FSIP2: variants seen among roughly 807,000 people sequenced by gnomAD.
FSIP2 encodes fibrous sheath interacting protein 2, also known as fibrous sheath-interacting protein 2.
In FSIP2, 367 loss-of-function variants were observed where a neutral mutation model predicts 510.5. The observed-to-expected ratio is 0.72, with a 90% CI of 0.66 to 0.78. The LOEUF is 0.78. FSIP2 is among the 30% of genes least tolerant of loss of function. The pLI is 0.00. For synonymous variants in FSIP2, 2,601 were observed against 2,732.2 expected (o/e 0.95, Z 1.50); for missense variants, 7,594 against 7,901.7 (o/e 0.96, Z 1.48).
intron 4 of FSIP2, chr2:185,744,804 C>G (rs1186270394): frequency 2.0e-5 from 3 of 152,630 alleles, no homozygotes; most frequent in African/African-American, 7.2e-5. Flanking sequence ...TACAGTGATT[C>G]AAGAATATGT....
chr2:185,814,745 TAATTAATTTTAG>T (rs1181738493), intron 18 of FSIP2, among the ~76,000 whole-genome samples: 1 of 152,048 alleles, frequency 6.6e-6, no homozygotes, highest in Non-Finnish European at 1.5e-5. Context: ...CCTGTAATTC[TAATTAATTTTAG>T]AATTAATTTT....
chr2:185,781,696 A>C (rs747321627), intron 13 of FSIP2, among the ~76,000 whole-genome samples: 1 of 152,206 alleles, frequency 6.6e-6, no homozygotes, highest in Non-Finnish European at 1.5e-5. Context: ...AAGTTTAGCT[A>C]TTTTTAACAG....
intron 14 of FSIP2, among the ~76,000 whole-genome samples, chr2:185,784,747 T>C (rs1692928292): frequency 6.6e-6 from 1 of 152,216 alleles, no homozygotes; most frequent in Non-Finnish European, 1.5e-5. Context: ...TGCTATTACC[T>C]AGATTCACTG....
intron 7 of FSIP2, 110 bp downstream of exon 7, chr2:185,747,533 T>G: frequency 1.7e-6 from 1 of 572,468 alleles, no homozygotes; most frequent in Non-Finnish European, 3.1e-6. Context: ...TTACTCCAAA[T>G]GATATGCATG....
intron 9 of FSIP2, among the ~76,000 whole-genome samples, chr2:185,760,336 TTTTA>T (rs1311736906): frequency 1.3e-5 from 2 of 150,342 alleles, no homozygotes; most frequent in Non-Finnish European, 3.0e-5. Context: ...TGGTTTGGCT[TTTTA>T]TTTAAGTTAA....
intron 2 of FSIP2, among the ~76,000 whole-genome samples, chr2:185,739,710 G>A (rs1443086847): frequency 6.6e-6 from 1 of 151,810 alleles, no homozygotes; most frequent in Non-Finnish European, 1.5e-5. Flanking sequence ...AACAATTCAC[G>A]GTACCATATT....
Position 185,790,827 on chromosome 2 carries a change from A to T in FSIP2, c.3691A>T (p.Lys1231Ter). The T allele has an allele frequency of 6.5e-7, 1 of 1,533,194 alleles. No individual in the cohort carries two copies. The highest frequency in any genetic ancestry group is 8.7e-7 in the Non-Finnish European group (1 of 1,145,078). 95.0% of individuals were successfully genotyped at this position (1,533,194 alleles called of 1,614,324 possible). Residue 1231 changes from lysine (K) to a stop codon, truncating the protein, a stop_gained, in exon 16 of 23, where the codon AAA becomes TAA. Coordinates refer to ENST00000424728, the MANE Select transcript of FSIP2 (RefSeq NM_173651.4). LOFTEE classifies it high-confidence loss of function. ...KTWFDSEKKM[K>*]YLSLFDVDPE... ...ATGGTTTGACAGTGAAAAGAAAATGAAATATTTATCTTTATTTGACGTTGA... is the reference window on the plus strand; with the variant it reads ...ATGGTTTGACAGTGAAAAGAAAATGTAATATTTATCTTTATTTGACGTTGA...
chr2:185,814,321 T>C (rs1693793478), intron 18 of FSIP2, among the ~76,000 whole-genome samples: 1 of 152,050 alleles, frequency 6.6e-6, no homozygotes, highest in African/African-American at 2.4e-5. Flanking sequence ...TTAAAAACAG[T>C]TGGTTTCCAC....
chr2:185,796,482 A>G lies in FSIP2; in HGVS notation c.9346A>G (p.Ile3116Val), dbSNP rs1693281700. 1.3e-6 allele frequency: 2 copies of G among 1,535,010 alleles called. No individual in the cohort carries two copies. The highest frequency in any genetic ancestry group is 1.2e-5 in the South Asian group (1 of 84,038). ...PSSISILKENIVASEIIGTLM... is the reference protein window; with the variant it reads ...PSSISILKENVVASEIIGTLM... ...TTCAATTAGCATATTGAAAGAGAACATTGTAGCAAGTGAGATCATTGGCAC... is the reference window on the plus strand; with the variant it reads ...TTCAATTAGCATATTGAAAGAGAACGTTGTAGCAAGTGAGATCATTGGCAC... The change falls in exon 16 of 23, where the codon ATT (isoleucine) becomes GTT (valine). Residue 3116 changes from isoleucine (I) to valine (V), a missense_variant. By Grantham distance (29) the Ile-to-Val change is conservative. Coordinates refer to ENST00000424728, the MANE Select transcript of FSIP2 (RefSeq NM_173651.4).
In FSIP2 at chr2:185,803,133, A is replaced by G. The variant is rs568020360; in HGVS notation, c.13827A>G (p.Arg4609=). The G allele has an allele frequency of 3.3e-4, 510 of 1,523,294 alleles. 1 individual carries two copies. Among genetic ancestry groups the G allele is most frequent in the Admixed American group, 6.8e-4 (33 of 48,434 alleles). 94.4% of individuals were successfully genotyped at this position (1,523,294 alleles called of 1,614,324 possible). ...CAGACACATATTTTGATGATGAGAG[A>G]AGGCAGTTATTTTATACCAGTGTTT... is the stretch of plus-strand genomic sequence containing the variant. ...SSSDTYFDDE[R]RQLFYTSVYS... is the part of the protein sequence containing the mutation. The change falls in exon 17 of 23, where the codon AGA becomes AGG. Residue 4609 remains arginine, a synonymous_variant. Transcript: ENST00000424728.
Position 185,792,761 on chromosome 2 carries a change from A to G in FSIP2, c.5625A>G (p.Ser1875=), listed in dbSNP as rs1693169086. The G allele has an allele frequency of 1.3e-6, 2 of 1,534,202 alleles. No individual in the cohort carries two copies. Among genetic ancestry groups the G allele is most frequent in the Non-Finnish European group, 8.7e-7 (1 of 1,145,688 alleles). Residue 1875 remains serine (S), a synonymous_variant, in exon 16 of 23, where the codon TCA becomes TCG. Coordinates refer to ENST00000424728, the MANE Select transcript of FSIP2 (RefSeq NM_173651.4). ...RENRYKTITF[S]ANVSSHEHTY... is the part of the protein sequence containing the mutation. The stretch of plus-strand genomic sequence containing the variant: ...ATAGGTATAAAACTATCACTTTTTC[A>G]GCAAATGTTTCTTCTCATGAACACA...
intron 13 of FSIP2, among the ~76,000 whole-genome samples, chr2:185,768,786 C>G (rs1692548588): frequency 6.6e-6 from 1 of 152,096 alleles, no homozygotes; most frequent in Admixed American, 6.6e-5. Context: ...CTCCCTGCTC[C>G]AACCCTCTAC....
intron 21 of FSIP2, among the ~76,000 whole-genome samples, chr2:185,830,141 A>G (rs1464796668): frequency 6.6e-6 from 1 of 151,906 alleles, no homozygotes; most frequent in Non-Finnish European, 1.5e-5. Flanking sequence ...ACAAACAAAC[A>G]AACGAAAAAA....
At position 185,801,021 on chromosome 2, in the gene FSIP2, G is replaced by A; in HGVS notation, c.11715G>A (p.Arg3905=). 5 of 1,531,640 alleles carry A rather than the reference G, an allele frequency of 3.3e-6. No individual in the cohort carries two copies. The highest frequency in any genetic ancestry group is 4.4e-6 in the Non-Finnish European group (5 of 1,143,896). The allele number at this position is 1,531,640 out of a possible 1,614,324, so 94.9% of individuals were successfully genotyped here. A position where few individuals can be genotyped will look rare whatever the true frequency, so the allele number is the denominator to read the frequency against. Residue 3905 remains arginine, a synonymous_variant, in exon 17 of 23, where the codon AGG becomes AGA. Transcript: ENST00000424728. ...LGQSKSSLEL[R]SYDSNSLTVS... ...AGAGTAAAAGTTCTTTAGAACTCAG[G>A]AGCTATGATAGTAATTCTTTGACAG... is the stretch of plus-strand genomic sequence containing the variant.
In FSIP2 at chr2:185,808,578, C is replaced by T. The variant is rs558745255; in HGVS notation, c.19272C>T (p.Ser6424=). Reference sequence around the variant, plus strand: ...AAAGGATTTATCAGGTTGTCGATTCCGTTTATAGTAACATACTGCAACAAT... The same window carrying T: ...AAAGGATTTATCAGGTTGTCGATTCTGTTTATAGTAACATACTGCAACAAT... ...NTERIYQVVD[S]VYSNILQQSG... is the part of the protein sequence containing the mutation. Residue 6424 remains serine, a synonymous_variant, in exon 17 of 23, where the codon TCC becomes TCT. Transcript: ENST00000424728. 27 of 1,611,638 alleles carry T rather than the reference C, an allele frequency of 1.7e-5. No individual in the cohort carries two copies. In the African/African-American group the frequency reaches 1.9e-4, roughly 11 times the overall value.
intron 4 of FSIP2, 66 bp from the exon 5 acceptor site, chr2:185,745,363 A>C (rs1275377553): frequency 2.2e-6 from 2 of 929,722 alleles, no homozygotes; most frequent in African/African-American, 3.4e-5. Flanking sequence ...TATAAATTTA[A>C]ATGGTTTTAT....
intron 13 of FSIP2, chr2:185,765,256 A>G (rs1692443739): frequency 6.6e-6 from 1 of 152,060 alleles, no homozygotes; most frequent in Non-Finnish European, 1.5e-5. Context: ...TATATACAGT[A>G]AAGTGTTCAC....
At position 185,762,032 on chromosome 2, in the gene FSIP2, A is replaced by AATAGTC; in HGVS notation, c.1240+19_1240+24dup. On this transcript the variant is annotated intron_variant, in intron 11 of 22. Transcript: ENST00000424728. ...CGATGATAGAGGTAAGAAAATAAACAATAGTCATAATTTTTCTGTTATTAG... is the reference window on the plus strand; with the variant it reads ...CGATGATAGAGGTAAGAAAATAAACAATAGTCATAGTCATAATTTTTCTGTTATTAG... The AATAGTC allele has an allele frequency of 7.7e-7, 1 of 1,290,434 alleles. No individual in the cohort carries two copies. Among genetic ancestry groups the AATAGTC allele is most frequent in the Non-Finnish European group, 1.1e-6 (1 of 929,638 alleles). The allele number at this position is 1,290,434 out of a possible 1,614,324, so 79.9% of individuals were successfully genotyped here. A position where few individuals can be genotyped will look rare whatever the true frequency, so the allele number is the denominator to read the frequency against.
Position 185,806,563 on chromosome 2 carries a change from G to A in FSIP2, c.17257G>A (p.Glu5753Lys). 2 of 1,603,554 alleles carry A rather than the reference G, an allele frequency of 1.2e-6. No homozygotes were observed. Among genetic ancestry groups the A allele is most frequent in the Non-Finnish European group, 8.5e-7 (1 of 1,176,804 alleles). The stretch of plus-strand genomic sequence containing the variant: ...CAAAGAAAAAGAAGAGGAAGAGAGA[G>A]AAAAAGAGAAAGTAAGAGAGGAGAT... ...SAKEKEEEER[E>K]KEKVREEIKS... Residue 5753 changes from glutamate (E) to lysine (K), a missense_variant, in exon 17 of 23, where the codon GAA becomes AAA. Glu to Lys is a moderately conservative substitution (Grantham distance 56). Transcript: ENST00000424728.
Sources: gnomAD v4.1 joint callset for allele counts (sites outside exome capture counted in the v4.1 genomes callset) on GRCh38, gnomAD v4.1.1 for gene constraint, MANE v1.5 for transcripts, NCBI Gene and HGNC (gene_info 2026-07-23, HGNC 2026-07-21) for gene names.